The following CLASP2 variants were observed in gnomAD, a reference collection of about 807,000 sequenced individuals.
CLASP2 encodes cytoplasmic linker associated protein 2, also known as CLIP-associating protein 2.
In CLASP2, 47 loss-of-function variants were observed where a neutral mutation model predicts 194.4. The observed-to-expected ratio is 0.24, with a 90% CI of 0.19 to 0.31. The LOEUF is 0.31. CLASP2 is among the 10% of genes least tolerant of loss of function. The pLI is 1.00. For synonymous variants in CLASP2, 619 were observed against 633.5 expected (o/e 0.98, Z 0.34); for missense variants, 1,445 against 1,823.6 (o/e 0.79, Z 3.78).
chr3:33,573,435 T>A (rs768211936), intron 24 of CLASP2, 81 bp from the exon 25 acceptor site: 2 of 1,404,730 alleles, frequency 1.4e-6, no homozygotes, highest in Non-Finnish European at 2.0e-6. Flanking sequence ...CACAAAAGGA[T>A]TGATTTTTGT....
At position 33,717,910 on chromosome 3, in the gene CLASP2, G is replaced by A; in HGVS notation, c.93C>T (p.Tyr31=). 1 of 1,553,722 alleles carries A rather than the reference G, an allele frequency of 6.4e-7. No individual in the cohort carries two copies. The highest frequency in any genetic ancestry group is 1.4e-5 in the African/African-American group (1 of 73,406). ...CCGAGATGGCGCCGGGGGCGCCAAG[G>A]TAGAGCAGGAGCTCCTGGCCGACCT... ...RLQVGQELLL[Y]LGAPGAISDL... is the part of the protein sequence containing the mutation. The change falls in exon 1 of 39, where the codon TAC becomes TAT. Residue 31 remains tyrosine (Y), a synonymous_variant. Transcript: ENST00000682230.
intron 32 of CLASP2, among the ~76,000 whole-genome samples, chr3:33,541,829 T>C (rs1249945425): frequency 6.6e-6 from 1 of 152,192 alleles, no homozygotes; most frequent in Non-Finnish European, 1.5e-5. Flanking sequence ...AACAGAATGA[T>C]TTATATTCCT....
intron 6 of CLASP2, among the ~76,000 whole-genome samples, chr3:33,675,508 T>A (rs1324062251): frequency 1.3e-5 from 2 of 148,454 alleles, no homozygotes; most frequent in African/African-American, 4.9e-5. Flanking sequence ...CTGGAAGCAT[T>A]CCCTTTGAAA....
chr3:33,600,078 T>C (rs1487089218), intron 18 of CLASP2, among the ~76,000 whole-genome samples: 4 of 151,946 alleles, frequency 2.6e-5, no homozygotes, highest in Non-Finnish European at 5.9e-5. Flanking sequence ...TGCTCATATA[T>C]ATATTTTTTT....
At chr3:33,572,505 A>G (rs1430429941) in intron 25 of CLASP2, among the ~76,000 whole-genome samples, 1 of 152,154 alleles carries the variant, frequency 6.6e-6, no homozygotes, top group Non-Finnish European at 1.5e-5. Context: ...ATCTGAAGCT[A>G]GATTCTCAAA....
At chr3:33,578,268 C>A (rs34855425) in intron 23 of CLASP2, among the ~76,000 whole-genome samples, 7 of 151,872 alleles carry the variant, frequency 4.6e-5, no homozygotes, top group African/African-American at 1.7e-4. Context: ...CATTTGAATA[C>A]AAAAAAATAC....
In CLASP2 at chr3:33,584,910, C is replaced by A. The variant is rs2067009530; in HGVS notation, c.2079G>T (p.Arg693=). The A allele has an allele frequency of 6.2e-7, 1 of 1,610,606 alleles. No individual in the cohort carries two copies. The highest frequency in any genetic ancestry group is 8.5e-7 in the Non-Finnish European group (1 of 1,178,736). ...KMVSQSQPGS[R]SGSPGRVLTT... is the part of the protein sequence containing the mutation. ...TCAGAACTCTTCCTGGAGACCCAGA[C>A]CGGCTACCAGCTGAACACCAAACAC... Residue 693 remains arginine (R), a synonymous_variant, in exon 22 of 39, where the codon CGG becomes CGT. Transcript: ENST00000682230.
At chr3:33,595,541 C>CTTCA (rs1412123409) in intron 19 of CLASP2, among the ~76,000 whole-genome samples, 2 of 151,996 alleles carry the variant, frequency 1.3e-5, no homozygotes, top group African/African-American at 4.8e-5. Flanking sequence ...TCAATGAAAT[C>CTTCA]TATAAAAAAT....
intron 34 of CLASP2, among the ~76,000 whole-genome samples, chr3:33,518,588 A>C (rs770385811): frequency 2.6e-5 from 4 of 152,210 alleles, no homozygotes; most frequent in Non-Finnish European, 5.9e-5. Context: ...TGTCTCTATA[A>C]ACCCCACAAA....
rs1341557805 is a variant in CLASP2 at position 33,622,232 on chromosome 3, A to C, written c.1084T>G (p.Cys362Gly). ...AACAATCGTAAATGTTGAAAAAAGC[A>C]ATCATACTGTGCAGCTCCAGCAACA... is the stretch of plus-strand genomic sequence containing the variant. The part of the protein sequence containing the change: ...LLVAGAAQYD[C>G]FFQHLRLLDG... Residue 362 changes from cysteine to glycine, a missense_variant, in exon 11 of 39, where the codon TGC (cysteine) becomes GGC (glycine). By Grantham distance (159) the Cys-to-Gly change is radical (BLOSUM62 -3). Around this residue, in one of 4 missense-constraint regions of CLASP2, gnomAD observed 207 missense variants for 331.4 expected, o/e 0.62. Transcript: ENST00000682230. 3 of 1,602,072 alleles carry C rather than the reference A, an allele frequency of 1.9e-6. No individual in the cohort carries two copies. The highest frequency in any genetic ancestry group is 2.6e-6 in the Non-Finnish European group (3 of 1,174,290).
At chr3:33,557,995 T>G (rs2061243571) in intron 29 of CLASP2, among the ~76,000 whole-genome samples, 1 of 152,202 alleles carries the variant, frequency 6.6e-6, no homozygotes, top group Non-Finnish European at 1.5e-5. Flanking sequence ...CAGTTTATCT[T>G]CACAGGTAGA....
chr3:33,655,343 A>G (rs939872569), intron 7 of CLASP2, among the ~76,000 whole-genome samples: 2 of 152,188 alleles, frequency 1.3e-5, no homozygotes, highest in African/African-American at 2.4e-5. Flanking sequence ...AAGGTACAGT[A>G]TATTCACTTA....
intron 14 of CLASP2, among the ~76,000 whole-genome samples, chr3:33,607,778 T>A (rs1319790690): frequency 6.6e-6 from 1 of 152,150 alleles, no homozygotes; most frequent in Non-Finnish European, 1.5e-5. Flanking sequence ...AAAAAAAGAA[T>A]CTTCTGTGTG....
rs2066988325 is a variant in CLASP2, at chr3:33,584,760, C to T, written c.2229G>A (p.Arg743=). 15 of 1,592,930 alleles carry T rather than the reference C, an allele frequency of 9.4e-6. No homozygotes were observed. The highest frequency in any genetic ancestry group is 1.3e-5 in the Non-Finnish European group (15 of 1,172,246). Reference sequence around the variant, plus strand: ...AAAAAAAAATCTTACCCACTGAAAGCCTAGATGGACTAGCCTCTCTGCTAC... The same window carrying T: ...AAAAAAAAATCTTACCCACTGAAAGTCTAGATGGACTAGCCTCTCTGCTAC... ...QGCSREASPS[R]LSVARSSRIP... is the part of the protein sequence containing the mutation. Residue 743 remains arginine (R), a synonymous_variant, in exon 22 of 39, where the codon AGG becomes AGA. Coordinates refer to ENST00000682230, the MANE Select transcript of CLASP2 (RefSeq NM_001365631.1).
chr3:33,714,554 C>T (rs947524136), intron 1 of CLASP2, among the ~76,000 whole-genome samples: 2 of 152,170 alleles, frequency 1.3e-5, no homozygotes, highest in African/African-American at 2.4e-5. Flanking sequence ...TCTTTCAACC[C>T]TCAAACCCAA....
intron 30 of CLASP2, among the ~76,000 whole-genome samples, chr3:33,548,432 G>A (rs1183560046): frequency 6.6e-6 from 1 of 151,992 alleles, no homozygotes; most frequent in East Asian, 1.9e-4. Context: ...TGAGTAGCTG[G>A]GACTGCAGGT....
At chr3:33,501,879 A>C in intron 37 of CLASP2, 111 bp from the exon 38 acceptor site, 1 of 711,380 alleles carries the variant, frequency 1.4e-6, no homozygotes, top group Non-Finnish European at 2.5e-6. Flanking sequence ...CATACTAAGG[A>C]GAGAAAAGTG....
intron 30 of CLASP2, among the ~76,000 whole-genome samples, chr3:33,550,392 C>CA (rs555351261): frequency 0.31 from 15,782 of 51,410 alleles, 2,293 homozygotes; most frequent in Non-Finnish European, 0.38. Context: ...GAGACTGCCT[C>CA]AAAAAAAAAA....
At position 33,716,133 on chromosome 3, in the gene CLASP2, G is replaced by T. The variant is rs1575825540; in HGVS notation, c.195+1675C>A. 2.0e-5 allele frequency among the ~76,000 whole-genome samples: 3 copies of T among 152,108 alleles called. No individual in the cohort carries two copies. In the South Asian group the frequency reaches 6.2e-4, roughly 32 times the overall value. On this transcript the variant is annotated intron_variant, in intron 1 of 38. Transcript: ENST00000682230. ...ATTTATCTATTCTAACAAGGAAAAA[G>T]GAAGATTATATGGTCACAGCTACAA...
Sources: gnomAD v4.1 joint callset for allele counts (sites outside exome capture counted in the v4.1 genomes callset) on GRCh38, gnomAD v4.1.1 for gene constraint, gnomAD v4.1.1 regional missense constraint, MANE v1.5 for transcripts, NCBI Gene and HGNC (gene_info 2026-07-23, HGNC 2026-07-21) for gene names.